PEX5L: variants seen among roughly 807,000 people sequenced by gnomAD.
PEX5L encodes PEX5-related protein.
PEX5L carries 30 observed loss-of-function variants against 84.0 expected under a neutral mutation model. The observed-to-expected ratio is 0.36, with a 90% CI of 0.27 to 0.48. The LOEUF (loss-of-function observed/expected upper bound fraction) is 0.48, where lower values mean the gene tolerates loss of function less well. Among genes scored for constraint, PEX5L ranks in the 20% least tolerant of loss-of-function variants. The probability of loss-of-function intolerance (pLI) is 0.99; values close to 1 mark genes in which losing one functional copy is unlikely to be tolerated. For synonymous variants in PEX5L, 270 were observed against 283.1 expected, an observed-to-expected ratio of 0.95 and a Z score of 0.46; for missense variants, 533 against 754.6, an observed-to-expected ratio of 0.71 and a Z score of 3.44.
intron 2 of PEX5L, among the ~76,000 whole-genome samples, chr3:179,938,546 T>C (rs968597808): frequency 3.3e-5 from 5 of 152,160 alleles, no homozygotes; most frequent in Non-Finnish European, 5.9e-5. Context: ...TCTGCATCCA[T>C]CCACTGGGGT....
chr3:180,024,347 A>ATATATATATATATATATATATATATATAT (rs1790707676), intron 1 of PEX5L, among the ~76,000 whole-genome samples: 1 of 107,636 alleles, frequency 9.3e-6, no homozygotes, highest in African/African-American at 3.8e-5. Context: ...GTCCCTACTA[A>ATATATATATATATATATATATATATATAT]ATATATATAT....
chr3:179,880,438 T>G lies in PEX5L; in HGVS notation c.311-315A>C, dbSNP rs142274458. Among the ~76,000 whole-genome samples, 27 of 152,358 alleles carry G rather than the reference T, an allele frequency of 1.8e-4. No homozygotes were observed. The East Asian group carries it at 2.9e-3, about 16-fold the overall frequency. Reference sequence around the variant, plus strand: ...TATTTACTTTATTGCTTTGCTTTATTTATACTGAAGGTTATTTTAGATTGC... The same window carrying G: ...TATTTACTTTATTGCTTTGCTTTATGTATACTGAAGGTTATTTTAGATTGC... On this transcript the variant is annotated intron_variant, in intron 4 of 14. Transcript: ENST00000467460.
At position 179,800,780 on chromosome 3, in the gene PEX5L, A is replaced by T. The variant is rs1718634537; in HGVS notation, c.*1048T>A. On this transcript the variant is annotated 3_prime_UTR_variant, in exon 15 of 15. Coordinates refer to ENST00000467460, the MANE Select transcript of PEX5L (RefSeq NM_016559.3). ...GAAAAAATGTTATTTATCACTCTTA[A>T]GAAATATTATTTAAAATATTTATGG... The T allele has an allele frequency of 6.6e-6, 1 of 152,244 alleles. No individual in the cohort carries two copies. Among genetic ancestry groups the T allele is most frequent in the African/African-American group, 2.4e-5 (1 of 41,468 alleles). 9.4% of individuals were successfully genotyped at this position (152,244 alleles called of 1,614,324 possible).
chr3:179,979,921 C>T (rs1239130850), intron 1 of PEX5L, among the ~76,000 whole-genome samples: 5 of 152,138 alleles, frequency 3.3e-5, no homozygotes, highest in African/African-American at 1.2e-4. Context: ...TGGCAGCCAG[C>T]ACACCTGGCA....
chr3:180,022,361 A>G (rs945859511), intron 1 of PEX5L, among the ~76,000 whole-genome samples: 1 of 152,206 alleles, frequency 6.6e-6, no homozygotes, highest in South Asian at 2.1e-4. Flanking sequence ...GCCATTTAGA[A>G]GTAGTTTCCT....
At chr3:179,890,930 T>C (rs1757414770) in intron 3 of PEX5L, among the ~76,000 whole-genome samples, 1 of 151,972 alleles carries the variant, frequency 6.6e-6, no homozygotes, top group African/African-American at 2.4e-5. Context: ...GAGAGCCCTG[T>C]CCTTTTGGGC....
At chr3:179,988,853 C>T (rs1263098634) in intron 1 of PEX5L, among the ~76,000 whole-genome samples, 1 of 152,072 alleles carries the variant, frequency 6.6e-6, no homozygotes, top group African/African-American at 2.4e-5. Context: ...AATGGAATTG[C>T]CAGGTTTTGG....
At chr3:179,820,139 C>G in intron 8 of PEX5L, 163 bp from the exon 9 acceptor site, 1 of 884,996 alleles carries the variant, frequency 1.1e-6, no homozygotes, top group South Asian at 1.7e-5. Flanking sequence ...AGGGTACTCA[C>G]TGGTCAGAGT....
intron 2 of PEX5L, among the ~76,000 whole-genome samples, chr3:179,903,091 TAA>T (rs1221751959): frequency 6.6e-6 from 1 of 152,198 alleles, no homozygotes; most frequent in Non-Finnish European, 1.5e-5. Context: ...TACCAGCAAT[TAA>T]ACAATTTTTT....
intron 3 of PEX5L, among the ~76,000 whole-genome samples, chr3:179,891,227 T>C (rs1757525855): frequency 6.6e-6 from 1 of 152,172 alleles, no homozygotes; most frequent in Non-Finnish European, 1.5e-5. Context: ...CTGATGGAAC[T>C]GTTATAACTG....
chr3:179,981,673 A>G (rs753003893), intron 1 of PEX5L, among the ~76,000 whole-genome samples: 2 of 152,236 alleles, frequency 1.3e-5, no homozygotes, highest in Admixed American at 1.3e-4. Flanking sequence ...AAAAAATTCA[A>G]TGAAACAAAT....
Position 179,973,396 on chromosome 3 carries a change from T to C in PEX5L, c.22-1731A>G, listed in dbSNP as rs1785254140. 2.7e-6 allele frequency: 3 copies of C among 1,108,370 alleles called. No individual in the cohort carries two copies. In the South Asian group the frequency reaches 6.8e-5, roughly 25 times the overall value. The allele number at this position is 1,108,370 out of a possible 1,614,324, so 68.7% of individuals were successfully genotyped here. The stretch of plus-strand genomic sequence containing the variant: ...ATCATTGTCTTGACTTTGTAAACAT[T>C]GTGAAATTTTTGGCTAGCACAAAAA... On this transcript the variant is annotated intron_variant, in intron 1 of 14. Transcript: ENST00000467460.
intron 8 of PEX5L, among the ~76,000 whole-genome samples, chr3:179,845,724 G>A (rs1277842528): frequency 6.6e-6 from 1 of 152,142 alleles, no homozygotes; most frequent in Non-Finnish European, 1.5e-5. Context: ...TTGTTTCCAA[G>A]TCCCTTAACA....
At chr3:179,861,504 G>A (rs1472437128) in intron 7 of PEX5L, among the ~76,000 whole-genome samples, 1 of 152,226 alleles carries the variant, frequency 6.6e-6, no homozygotes, top group Non-Finnish European at 1.5e-5. Flanking sequence ...GGCGCCTACA[G>A]GGGTGTCTGT....
intron 1 of PEX5L, among the ~76,000 whole-genome samples, chr3:179,999,189 T>C (rs1337137893): frequency 6.6e-6 from 1 of 152,092 alleles, no homozygotes; most frequent in Non-Finnish European, 1.5e-5. Context: ...ACAAAGAAAT[T>C]TGGGGAAAAG....
intron 2 of PEX5L, among the ~76,000 whole-genome samples, chr3:179,926,165 G>A (rs1006179571): frequency 6.6e-6 from 1 of 151,838 alleles, no homozygotes; most frequent in Non-Finnish European, 1.5e-5. Flanking sequence ...ACCACTTCTC[G>A]CCACCACCAC....
chr3:179,854,587 A>G (rs1329291234), intron 8 of PEX5L, among the ~76,000 whole-genome samples: 1 of 152,220 alleles, frequency 6.6e-6, no homozygotes. Flanking sequence ...TTTAATGTCA[A>G]CTATTAAAAT....
chr3:179,823,735 T>C (rs1334964702), intron 8 of PEX5L, among the ~76,000 whole-genome samples: 1 of 152,240 alleles, frequency 6.6e-6, no homozygotes, highest in Non-Finnish European at 1.5e-5. Context: ...AAGAAAGATG[T>C]GTGCTTGAAT....
In PEX5L at chr3:179,859,051, A is replaced by G; in HGVS notation, c.822+11T>C. ...CATGAAACAGAAAAAACTAATTTGAAGAAAAGTTACCTCCACTGCTGCTTT... is the reference window on the plus strand; with the variant it reads ...CATGAAACAGAAAAAACTAATTTGAGGAAAAGTTACCTCCACTGCTGCTTT... On this transcript the variant is annotated intron_variant, in intron 8 of 14. Transcript: ENST00000467460. 6.3e-7 allele frequency: 1 copy of G among 1,597,016 alleles called. No individual in the cohort carries two copies. The highest frequency in any genetic ancestry group is 1.3e-5 in the African/African-American group (1 of 74,708).
Sources: gnomAD v4.1 joint callset for allele counts (sites outside exome capture counted in the v4.1 genomes callset) on GRCh38, gnomAD v4.1.1 for gene constraint, MANE v1.5 for transcripts, NCBI Gene and HGNC (gene_info 2026-07-23, HGNC 2026-07-21) for gene names.